CCDC178: variants seen among roughly 807,000 people sequenced by gnomAD.
CCDC178 encodes the protein coiled-coil domain-containing protein 178.
Under a neutral mutation model 117.4 loss-of-function variants are expected in CCDC178, and 126 were observed. The observed-to-expected ratio is 1.07, with a 90% CI of 0.93 to 1.24. The LOEUF is 1.24. Among genes scored for constraint, CCDC178 ranks in the 50% most tolerant of loss-of-function variants. The pLI is 0.00. For synonymous variants in CCDC178, 283 were observed against 313.4 expected, an observed-to-expected ratio of 0.90 and a Z score of 1.02; for missense variants, 1,030 against 986.9, an observed-to-expected ratio of 1.04 and a Z score of -0.59.
intron 12 of CCDC178, among the ~76,000 whole-genome samples, chr18:33,284,918 CACACACACACACACAG>C (rs1176721778): frequency 6.7e-6 from 1 of 149,708 alleles, no homozygotes; most frequent in Non-Finnish European, 1.5e-5. Flanking sequence ...AGAAAGAATG[CACACACACACACACAG>C]ACACACACAC....
chr18:33,276,681 A>T (rs1370456139), intron 12 of CCDC178, among the ~76,000 whole-genome samples: 1 of 152,176 alleles, frequency 6.6e-6, no homozygotes, highest in Admixed American at 6.6e-5. Flanking sequence ...TAGATTTAGC[A>T]AAATGGAAAT....
intron 11 of CCDC178, among the ~76,000 whole-genome samples, chr18:33,314,064 A>G (rs1319376185): frequency 1.4e-5 from 2 of 146,174 alleles, no homozygotes; most frequent in Non-Finnish European, 1.5e-5. Context: ...AGCCGGGCGT[A>G]GTGGCGGGCG....
intron 20 of CCDC178, among the ~76,000 whole-genome samples, chr18:33,158,272 A>C (rs1335055020): frequency 6.6e-6 from 1 of 152,152 alleles, no homozygotes; most frequent in Non-Finnish European, 1.5e-5. Context: ...TAATTGGTAT[A>C]TCTTCCTTTT....
At chr18:32,947,862 G>A (rs2054390723) in intron 22 of CCDC178, among the ~76,000 whole-genome samples, 1 of 151,968 alleles carries the variant, frequency 6.6e-6, no homozygotes, top group Non-Finnish European at 1.5e-5. Context: ...TTATGATTTT[G>A]AGTTAATTTT....
At chr18:33,295,130 G>A (rs1401560197) in intron 11 of CCDC178, among the ~76,000 whole-genome samples, 2 of 152,084 alleles carry the variant, frequency 1.3e-5, no homozygotes, top group Non-Finnish European at 2.9e-5. Context: ...TAGATAAATA[G>A]AATGGTCATA....
chr18:33,319,285 T>A (rs1453803154), intron 11 of CCDC178, among the ~76,000 whole-genome samples: 1 of 152,024 alleles, frequency 6.6e-6, no homozygotes, highest in African/African-American at 2.4e-5. Flanking sequence ...AGTGAGAACA[T>A]GCGGTGTTTG....
At chr18:33,420,007 A>G (rs2064002470) in intron 2 of CCDC178, among the ~76,000 whole-genome samples, 1 of 152,126 alleles carries the variant, frequency 6.6e-6, no homozygotes, top group Non-Finnish European at 1.5e-5. Flanking sequence ...TGTTCATTGC[A>G]ACACTATGCA....
chr18:33,394,053 A>G (rs1035238636), intron 4 of CCDC178, among the ~76,000 whole-genome samples: 1 of 151,986 alleles, frequency 6.6e-6, no homozygotes, highest in Admixed American at 6.6e-5. Flanking sequence ...TTAAAATTCA[A>G]GGTTGGTATG....
intron 21 of CCDC178, among the ~76,000 whole-genome samples, chr18:33,064,955 G>A (rs758610006): frequency 1.3e-5 from 2 of 151,638 alleles, no homozygotes; most frequent in Non-Finnish European, 2.9e-5. Context: ...TGAACTGGAG[G>A]ACATCACATC....
chr18:33,274,692 T>C (rs1048517554), intron 12 of CCDC178, among the ~76,000 whole-genome samples: 2 of 151,974 alleles, frequency 1.3e-5, no homozygotes, highest in South Asian at 2.1e-4. Context: ...TACCAAACAA[T>C]TGTCAATCTC....
intron 9 of CCDC178, among the ~76,000 whole-genome samples, chr18:33,343,669 T>G (rs1172071808): frequency 6.6e-6 from 1 of 152,074 alleles, no homozygotes; most frequent in Admixed American, 6.6e-5. Flanking sequence ...AAACAAAAAA[T>G]CTAAGTGGGA....
intron 20 of CCDC178, among the ~76,000 whole-genome samples, chr18:33,093,544 T>C (rs2057499325): frequency 6.6e-6 from 1 of 152,108 alleles, no homozygotes; most frequent in Non-Finnish European, 1.5e-5. Context: ...AATGTCCTCC[T>C]CCATGACTAA....
chr18:33,240,924 A>G (rs1203218569), intron 15 of CCDC178, among the ~76,000 whole-genome samples: 1 of 151,876 alleles, frequency 6.6e-6, no homozygotes, highest in African/African-American at 2.4e-5. Flanking sequence ...GCCAATATGT[A>G]TGAAAATAGA....
intron 20 of CCDC178, among the ~76,000 whole-genome samples, chr18:33,119,198 T>C (rs1433055454): frequency 6.6e-6 from 1 of 152,196 alleles, no homozygotes; most frequent in East Asian, 1.9e-4. Context: ...GGGATCTAAT[T>C]AAACTAAAGA....
chr18:33,091,768 C>T (rs1400133550), intron 21 of CCDC178, among the ~76,000 whole-genome samples: 1 of 152,122 alleles, frequency 6.6e-6, no homozygotes, highest in Admixed American at 6.6e-5. Context: ...TAATTACTTA[C>T]AGTCGTATAG....
chr18:33,320,414 T>C (rs1410398579), intron 11 of CCDC178, among the ~76,000 whole-genome samples: 1 of 152,170 alleles, frequency 6.6e-6, no homozygotes. Flanking sequence ...ACAAAATCAA[T>C]GTACAAAAAT....
At chr18:33,043,228 T>G (rs1409361249) in intron 21 of CCDC178, among the ~76,000 whole-genome samples, 1 of 152,062 alleles carries the variant, frequency 6.6e-6, no homozygotes, top group African/African-American at 2.4e-5. Flanking sequence ...AATAGATATC[T>G]TCTATTTCAG....
At chr18:33,034,555 T>TA (rs1391866412) in intron 21 of CCDC178, among the ~76,000 whole-genome samples, 69 of 152,028 alleles carry the variant, frequency 4.5e-4, no homozygotes, top group Non-Finnish European at 3.1e-4. Flanking sequence ...TTTCTAACTT[T>TA]ATGTATGTGT....
chr18:33,121,842 G>C (rs1351845282), intron 20 of CCDC178, among the ~76,000 whole-genome samples: 1 of 152,010 alleles, frequency 6.6e-6, no homozygotes, highest in Non-Finnish European at 1.5e-5. Context: ...ACACACTGTG[G>C]GTAGGTCAGT....
Sources: allele counts gnomAD v4.1 joint callset (sites outside exome capture counted in the v4.1 genomes callset), GRCh38; gene constraint gnomAD v4.1.1; transcripts MANE v1.5; gene names NCBI Gene and HGNC (gene_info 2026-07-23, HGNC 2026-07-21).